The following PODXL2 variants were observed in gnomAD, a reference collection of about 807,000 sequenced individuals.
PODXL2 encodes podocalyxin-like protein 2.
A neutral mutation model predicts 53.4 loss-of-function variants in PODXL2; 17 were observed. That is an observed-to-expected ratio of 0.32 (90% CI 0.22 to 0.48). The LOEUF (loss-of-function observed/expected upper bound fraction) is 0.48. PODXL2 is among the 20% of genes least tolerant of loss of function. The pLI is 0.99. For missense variants in PODXL2, 673 were observed against 760.0 expected, an observed-to-expected ratio of 0.89 and a Z score of 1.35; for synonymous variants, 311 against 306.7, an observed-to-expected ratio of 1.01 and a Z score of -0.15.
chr3:127,629,282 G>A lies in PODXL2; in HGVS notation c.63G>A (p.Leu21=). ...TGCTTTCGCCGCTGCTGCTTCTGCT[G>A]GTTGGGGGTGAGTGCGCTCCGGGCC... ...PPLLSPLLLL[L]VGGAFLGACV... The change falls in exon 1 of 8, where the codon CTG becomes CTA. Residue 21 remains leucine, a synonymous_variant. Coordinates refer to ENST00000342480, the MANE Select transcript of PODXL2 (RefSeq NM_015720.4). This position sits in a 1 kb window ranked among gnomAD's most constrained non-coding sequence, Gnocchi z 6.4. The A allele has an allele frequency of 9.8e-7, 1 of 1,020,286 alleles. No homozygotes were observed. The highest frequency in any genetic ancestry group is 4.5e-5 in the South Asian group (1 of 22,396). The allele number at this position is 1,020,286 out of a possible 1,614,324, so 63.2% of individuals were successfully genotyped here. A position where few individuals can be genotyped will look rare whatever the true frequency, so the allele number is the denominator to read the frequency against.
chr3:127,665,738 T>A (rs1204154571), intron 4 of PODXL2, among the ~76,000 whole-genome samples: 3 of 152,148 alleles, frequency 2.0e-5, no homozygotes, highest in Non-Finnish European at 4.4e-5. Flanking sequence ...ATCATCAAGA[T>A]CTGGATAAAG....
At chr3:127,631,015 A>G (rs955188936) in intron 1 of PODXL2, among the ~76,000 whole-genome samples, 2 of 152,150 alleles carry the variant, frequency 1.3e-5, no homozygotes, top group African/African-American at 2.4e-5. Context: ...TCTCCCGTGC[A>G]TGCTCTTCAT....
chr3:127,655,326 A>T (rs1004714046), intron 2 of PODXL2, among the ~76,000 whole-genome samples: 1 of 151,988 alleles, frequency 6.6e-6, no homozygotes, highest in African/African-American at 2.4e-5. Flanking sequence ...GAATTGCTTG[A>T]ACCTGGAAGG....
At chr3:127,657,541 C>T (rs1292116295) in intron 2 of PODXL2, among the ~76,000 whole-genome samples, 1 of 152,210 alleles carries the variant, frequency 6.6e-6, no homozygotes, top group East Asian at 1.9e-4. Context: ...CTTTTCTCAT[C>T]ATCTCCAGTG....
At chr3:127,648,930 T>G (rs1036239084) in intron 2 of PODXL2, among the ~76,000 whole-genome samples, 1 of 151,848 alleles carries the variant, frequency 6.6e-6, no homozygotes, top group African/African-American at 2.4e-5. Context: ...GAACTGGGGC[T>G]GCAGGCAGGT....
In PODXL2 at chr3:127,662,143, C is replaced by T. The variant is rs1398252865; in HGVS notation, c.1132-94C>T. On this transcript the variant is annotated intron_variant, in intron 3 of 7. Coordinates refer to ENST00000342480, the MANE Select transcript of PODXL2 (RefSeq NM_015720.4). ...ATACGCCTCCACTGGCCTCCACCTTCCAGCTTCCCAAAAGGCCTCCGACCG... is the reference window on the plus strand; with the variant it reads ...ATACGCCTCCACTGGCCTCCACCTTTCAGCTTCCCAAAAGGCCTCCGACCG... 9 of 1,052,940 alleles carry T rather than the reference C, an allele frequency of 8.5e-6. No homozygotes were observed. In the East Asian group the frequency reaches 2.2e-4, roughly 25 times the overall value. The allele number at this position is 1,052,940 out of a possible 1,614,324, so 65.2% of individuals were successfully genotyped here. A position where few individuals can be genotyped will look rare whatever the true frequency, so the allele number is the denominator to read the frequency against.
intron 4 of PODXL2, among the ~76,000 whole-genome samples, chr3:127,668,212 G>A (rs902523206): frequency 1.3e-5 from 2 of 152,298 alleles, no homozygotes; most frequent in Admixed American, 6.5e-5. Flanking sequence ...CATGGCTAGA[G>A]GCCAGGGCAG....
At chr3:127,633,626 C>A (rs866347415) in intron 1 of PODXL2, among the ~76,000 whole-genome samples, 2 of 152,054 alleles carry the variant, frequency 1.3e-5, no homozygotes, top group African/African-American at 4.8e-5. Context: ...TTATTCAAAC[C>A]TTTATTGTGT....
chr3:127,665,425 TAGAG>T (rs2074790804), intron 4 of PODXL2, among the ~76,000 whole-genome samples: 2 of 152,156 alleles, frequency 1.3e-5, no homozygotes, highest in Non-Finnish European at 2.9e-5. Context: ...CCTCAAGATC[TAGAG>T]AAAGTGATGC....
At chr3:127,670,476 A>G (rs1310024611) in intron 6 of PODXL2, among the ~76,000 whole-genome samples, 1 of 152,184 alleles carries the variant, frequency 6.6e-6, no homozygotes, top group Non-Finnish European at 1.5e-5. Flanking sequence ...GCCCCTGAGT[A>G]TTCTGGCGTT....
At chr3:127,669,717 G>A (rs1041326955) in intron 6 of PODXL2, among the ~76,000 whole-genome samples, 2 of 152,318 alleles carry the variant, frequency 1.3e-5, no homozygotes, top group Non-Finnish European at 2.9e-5. Context: ...CGGCGCCTGG[G>A]GGCCAGGAGG....
chr3:127,643,350 A>G (rs1195887969), intron 2 of PODXL2, among the ~76,000 whole-genome samples: 1 of 152,112 alleles, frequency 6.6e-6, no homozygotes, highest in Non-Finnish European at 1.5e-5. Context: ...AGCTGGGATT[A>G]TAGGCATGTG....
At chr3:127,642,232 G>C (rs1162398747) in intron 2 of PODXL2, among the ~76,000 whole-genome samples, 1 of 150,148 alleles carries the variant, frequency 6.7e-6, no homozygotes, top group Non-Finnish European at 1.5e-5. Context: ...GGAGGTTGCA[G>C]TGAGCTGAGA....
intron 4 of PODXL2, among the ~76,000 whole-genome samples, chr3:127,664,717 G>C (rs2074786019): frequency 6.6e-6 from 1 of 151,474 alleles, no homozygotes; most frequent in South Asian, 2.1e-4. Context: ...TATTTGGTTG[G>C]TGCAAAAGTA....
At chr3:127,671,763 T>C (rs1244901851) in intron 7 of PODXL2, 150 bp downstream of exon 7, 3 of 741,332 alleles carry the variant, frequency 4.0e-6, no homozygotes, top group African/African-American at 3.5e-5. Context: ...TGCTGACTGC[T>C]CTGCAGGGCA....
chr3:127,630,649 C>T (rs77972570), intron 1 of PODXL2, among the ~76,000 whole-genome samples: 21,110 of 152,084 alleles, frequency 0.14, 2,040 homozygotes, highest in Non-Finnish European at 0.2. Context: ...AGTGGTCCCT[C>T]GCACATTCCT....
chr3:127,634,162 A>G (rs2074563756), intron 1 of PODXL2, among the ~76,000 whole-genome samples: 1 of 152,132 alleles, frequency 6.6e-6, no homozygotes, highest in Non-Finnish European at 1.5e-5. Context: ...GCAGTGGCTC[A>G]CGCCTGTAAT....
chr3:127,654,752 GTTA>G (rs1468854719), intron 2 of PODXL2, among the ~76,000 whole-genome samples: 1 of 152,092 alleles, frequency 6.6e-6, no homozygotes, highest in Non-Finnish European at 1.5e-5. Flanking sequence ...CACTTTTCCT[GTTA>G]TTATTTTACC....
chr3:127,632,963 A>G (rs1200570621), intron 1 of PODXL2, among the ~76,000 whole-genome samples: 1 of 152,234 alleles, frequency 6.6e-6, no homozygotes, highest in Non-Finnish European at 1.5e-5. Flanking sequence ...GCAGTACTAC[A>G]TGATTCTGAT....
Sources: gnomAD v4.1 joint callset for allele counts (sites outside exome capture counted in the v4.1 genomes callset) on GRCh38, gnomAD v4.1.1 for gene constraint, Gnocchi (gnomAD v3.1) non-coding constraint, MANE v1.5 for transcripts, NCBI Gene and HGNC (gene_info 2026-07-23, HGNC 2026-07-21) for gene names.